IQCM: variants seen among roughly 807,000 people sequenced by gnomAD.
IQCM encodes IQ domain-containing protein M.
A neutral mutation model predicts 57.6 loss-of-function variants in IQCM; 45 were observed. That is an observed-to-expected ratio of 0.78 (90% CI 0.62 to 1.00). IQCM has a LOEUF of 1.00. IQCM is among the 50% of genes least tolerant of loss of function. The probability of loss-of-function intolerance (pLI) is 0.00; values close to 1 mark genes in which losing one functional copy is unlikely to be tolerated. For missense variants in IQCM, 468 were observed against 511.6 expected (o/e 0.91, Z 0.82); for synonymous variants, 148 against 158.9 (o/e 0.93, Z 0.51).
intron 2 of IQCM, among the ~76,000 whole-genome samples, chr4:149,796,738 G>A (rs1773151130): frequency 6.6e-6 from 1 of 152,146 alleles, no homozygotes; most frequent in Admixed American, 6.5e-5. Flanking sequence ...ATTTGTTTGA[G>A]AGAAAGTAAG....
chr4:149,378,682 C>G (rs539966799), intron 13 of IQCM, among the ~76,000 whole-genome samples: 38 of 152,162 alleles, frequency 2.5e-4, no homozygotes, highest in Admixed American at 1.5e-3. Context: ...AAGGGAAGCA[C>G]AGCATAAAAG....
intron 3 of IQCM, among the ~76,000 whole-genome samples, chr4:149,736,224 A>C: frequency 6.6e-6 from 1 of 152,144 alleles, no homozygotes; most frequent in East Asian, 1.9e-4. Context: ...CTGGGATTAC[A>C]GGTGTGACCG....
At chr4:149,599,210 T>G (rs1430288807) in intron 8 of IQCM, among the ~76,000 whole-genome samples, 1 of 152,124 alleles carries the variant, frequency 6.6e-6, no homozygotes, top group Non-Finnish European at 1.5e-5. Flanking sequence ...TATAGTATAT[T>G]TATTCAATGG....
chr4:149,619,935 T>C (rs1232739718), intron 8 of IQCM, among the ~76,000 whole-genome samples: 2 of 152,116 alleles, frequency 1.3e-5, no homozygotes, highest in Non-Finnish European at 2.9e-5. Context: ...GGTGGGCAGA[T>C]CACCTAAGGT....
chr4:149,442,953 CAG>C (rs56890715), intron 12 of IQCM, among the ~76,000 whole-genome samples: 17,377 of 97,096 alleles, frequency 0.18, 1,351 homozygotes, highest in Non-Finnish European at 0.25. Flanking sequence ...CACACACACA[CAG>C]AGAGAGAGAG....
chr4:149,454,323 T>C (rs1050732970), intron 12 of IQCM, among the ~76,000 whole-genome samples: 1 of 151,588 alleles, frequency 6.6e-6, no homozygotes, highest in African/African-American at 2.4e-5. Context: ...TGCAGCAACA[T>C]AGACAGAGCT....
At chr4:149,542,449 A>C (rs1244242535) in intron 12 of IQCM, among the ~76,000 whole-genome samples, 1 of 152,144 alleles carries the variant, frequency 6.6e-6, no homozygotes, top group African/African-American at 2.4e-5. Context: ...TGCACATAGT[A>C]GAATGGAAAA....
intron 2 of IQCM, chr4:149,793,521 T>C (rs1420688193): frequency 6.6e-6 from 1 of 152,188 alleles, no homozygotes; most frequent in Non-Finnish European, 1.5e-5. Flanking sequence ...ATTTTAAGCA[T>C]ATATTATTTT....
At chr4:149,686,489 T>G in intron 5 of IQCM, 21 bp from the exon 6 acceptor site, 1 of 1,031,962 alleles carries the variant, frequency 9.7e-7, no homozygotes, top group Non-Finnish European at 1.2e-6. Flanking sequence ...GTTAAAGTTT[T>G]AATTGCATAC....
chr4:149,380,475 G>A (rs1360642565), intron 13 of IQCM, among the ~76,000 whole-genome samples: 3 of 152,080 alleles, frequency 2.0e-5, no homozygotes, highest in Non-Finnish European at 4.4e-5. Context: ...CATAATTATT[G>A]TCTAGATTAA....
intron 13 of IQCM, among the ~76,000 whole-genome samples, chr4:149,380,900 G>T (rs1225497486): frequency 6.6e-6 from 1 of 152,032 alleles, no homozygotes; most frequent in Non-Finnish European, 1.5e-5. Flanking sequence ...TACTATTTAA[G>T]GTTTAGTTGA....
intron 9 of IQCM, among the ~76,000 whole-genome samples, chr4:149,585,387 A>AT (rs755207628): frequency 7.9e-5 from 12 of 151,728 alleles, no homozygotes; most frequent in Non-Finnish European, 1.3e-4. Flanking sequence ...GTTTCGTGGA[A>AT]TTTTTATGAT....
intron 5 of IQCM, among the ~76,000 whole-genome samples, chr4:149,713,342 C>T (rs77714199): frequency 3.2e-3 from 487 of 152,256 alleles, no homozygotes; most frequent in African/African-American, 0.011. Flanking sequence ...GATTTTGTTG[C>T]CTCCCTCTTA....
At chr4:149,481,079 T>G (rs1025614571) in intron 12 of IQCM, among the ~76,000 whole-genome samples, 4 of 152,114 alleles carry the variant, frequency 2.6e-5, no homozygotes, top group African/African-American at 9.7e-5. Flanking sequence ...CTATTCAATT[T>G]TTTTGCCCAT....
At chr4:149,562,811 A>G (rs1456022786) in intron 10 of IQCM, among the ~76,000 whole-genome samples, 2 of 152,194 alleles carry the variant, frequency 1.3e-5, no homozygotes, top group Non-Finnish European at 2.9e-5. Context: ...TTATACCCAG[A>G]GATAGGCAGA....
In IQCM at chr4:149,787,975, C is replaced by A. The variant is rs188815013; in HGVS notation, c.-49+27336G>T. 4.5e-4 allele frequency among the ~76,000 whole-genome samples: 69 copies of A among 152,202 alleles called. 1 individual carries two copies. The highest frequency in any genetic ancestry group is 4.4e-3 in the Admixed American group (67 of 15,300). On this transcript the variant is annotated intron_variant, in intron 2 of 13. Transcript: ENST00000636793. The stretch of plus-strand genomic sequence containing the variant: ...ATATATAAGAAGCTCAAACACCTCA[C>A]AGGAAAAAAACAAATAATCTCATTA...
chr4:149,459,677 T>A (rs902816912), intron 12 of IQCM, among the ~76,000 whole-genome samples: 13 of 152,204 alleles, frequency 8.5e-5, no homozygotes, highest in Non-Finnish European at 1.5e-4. Context: ...CCGTTCTAAG[T>A]TCCTTATACA....
chr4:149,622,388 G>A (rs1275232081), intron 7 of IQCM, among the ~76,000 whole-genome samples: 1 of 150,144 alleles, frequency 6.7e-6, no homozygotes, highest in Non-Finnish European at 1.5e-5. Flanking sequence ...TTTCCCCCAG[G>A]CTGGAGTGCA....
At chr4:149,737,449 C>T (rs546136991) in intron 3 of IQCM, among the ~76,000 whole-genome samples, 36 of 152,230 alleles carry the variant, frequency 2.4e-4, no homozygotes, top group African/African-American at 8.4e-4. Context: ...ATGGTAAGAA[C>T]TTGGTAGTAA....
Sources: allele counts gnomAD v4.1 joint callset (sites outside exome capture counted in the v4.1 genomes callset), GRCh38; gene constraint gnomAD v4.1.1; transcripts MANE v1.5; gene names NCBI Gene and HGNC (gene_info 2026-07-23, HGNC 2026-07-21).